L3MBTL3: variants seen among roughly 807,000 people sequenced by gnomAD.
L3MBTL3 encodes lethal(3)malignant brain tumor-like protein 3.
Under a neutral mutation model 102.3 loss-of-function variants are expected in L3MBTL3, and 27 were observed. That is an observed-to-expected ratio of 0.26 (90% CI 0.19 to 0.36). The LOEUF (loss-of-function observed/expected upper bound fraction) is 0.36, where lower values mean the gene tolerates loss of function less well. Among genes scored for constraint, L3MBTL3 ranks in the 10% least tolerant of loss-of-function variants. The pLI, the probability that L3MBTL3 is intolerant of heterozygous loss-of-function variation, is 1.00. For synonymous variants in L3MBTL3, 340 were observed against 320.9 expected (o/e 1.06, Z -0.64); for missense variants, 798 against 955.3 (o/e 0.84, Z 2.17).
At chr6:130,108,671 T>C (rs1051084928) in intron 19 of L3MBTL3, among the ~76,000 whole-genome samples, 4 of 151,828 alleles carry the variant, frequency 2.6e-5, no homozygotes, top group Admixed American at 2.6e-4. Context: ...GAGGATTTTA[T>C]TTTATTTGGT....
intron 2 of L3MBTL3, among the ~76,000 whole-genome samples, chr6:130,026,804 A>G (rs899396771): frequency 6.6e-6 from 1 of 152,100 alleles, no homozygotes; most frequent in Non-Finnish European, 1.5e-5. Flanking sequence ...TATGAAAAAT[A>G]TATATATAAA....
intron 9 of L3MBTL3, among the ~76,000 whole-genome samples, chr6:130,059,702 GCA>G (rs1781766059): frequency 6.6e-6 from 1 of 152,244 alleles, no homozygotes; most frequent in Non-Finnish European, 1.5e-5. Context: ...AGCTTTACCA[GCA>G]CAGTGTTGTC....
rs1350258492 is a variant in L3MBTL3 at position 130,140,162 on chromosome 6, C to G, written c.*409C>G. 1.3e-5 allele frequency: 2 copies of G among 158,410 alleles called. No individual in the cohort carries two copies. Among genetic ancestry groups the G allele is most frequent in the East Asian group, 1.9e-4 (1 of 5,324 alleles). The allele number at this position is 158,410 out of a possible 1,614,324, so 9.8% of individuals were successfully genotyped here. ...ACTTTCAGAAACCTTTTTATATAAT[C>G]AAATTTCAATTTAAACCAAATTAGT... On this transcript the variant is annotated 3_prime_UTR_variant, in exon 23 of 23. Transcript: ENST00000361794.
At chr6:130,120,571 T>C (rs1333484590) in intron 19 of L3MBTL3, among the ~76,000 whole-genome samples, 1 of 152,222 alleles carries the variant, frequency 6.6e-6, no homozygotes. Context: ...GTAAGTAAAA[T>C]TCCACATGAA....
chr6:130,020,236 G>A (rs1183139408), intron 1 of L3MBTL3, among the ~76,000 whole-genome samples: 7 of 151,610 alleles, frequency 4.6e-5, no homozygotes, highest in African/African-American at 7.2e-5. Context: ...GCGGCGGCGG[G>A]GCGGGGGGAA....
At chr6:130,018,921 G>C (rs1778735795) in intron 1 of L3MBTL3, among the ~76,000 whole-genome samples, 1 of 152,170 alleles carries the variant, frequency 6.6e-6, no homozygotes, top group Non-Finnish European at 1.5e-5. Flanking sequence ...GAAACGGCTG[G>C]AGGGGGAGTC....
intron 2 of L3MBTL3, among the ~76,000 whole-genome samples, chr6:130,031,282 A>C (rs1158729351): frequency 6.6e-6 from 1 of 152,224 alleles, no homozygotes; most frequent in Non-Finnish European, 1.5e-5. Context: ...TTGTAGTTGA[A>C]TCCAACTTGA....
At chr6:130,067,680 T>C (rs1269241337) in intron 11 of L3MBTL3, among the ~76,000 whole-genome samples, 2 of 152,202 alleles carry the variant, frequency 1.3e-5, no homozygotes, top group African/African-American at 2.4e-5. Context: ...TGGTAAATTA[T>C]TAGCTGGTTT....
intron 14 of L3MBTL3, among the ~76,000 whole-genome samples, chr6:130,082,437 G>A (rs1783424628): frequency 6.6e-6 from 1 of 152,080 alleles, no homozygotes; most frequent in Admixed American, 6.6e-5. Flanking sequence ...CTGTATCAGT[G>A]TAGACCCATA....
intron 7 of L3MBTL3, among the ~76,000 whole-genome samples, chr6:130,053,985 G>C (rs1781285828): frequency 6.6e-6 from 1 of 152,222 alleles, no homozygotes; most frequent in African/African-American, 2.4e-5. Flanking sequence ...GTCACCTAGT[G>C]ATAAGTGCTA....
chr6:130,120,819 T>A, intron 19 of L3MBTL3, 60 bp from the exon 20 acceptor site: 1 of 1,299,302 alleles, frequency 7.7e-7, no homozygotes, highest in Admixed American at 1.7e-5. Context: ...GAGATGTAGT[T>A]CTGAACCATT....
At chr6:130,045,718 G>A (rs1780686518) in intron 3 of L3MBTL3, among the ~76,000 whole-genome samples, 4 of 152,142 alleles carry the variant, frequency 2.6e-5, no homozygotes, top group Admixed American at 2.6e-4. Context: ...ATTTCAGCTG[G>A]AGGGATCAGG....
At chr6:130,111,631 C>T (rs1785352942) in intron 19 of L3MBTL3, among the ~76,000 whole-genome samples, 1 of 152,188 alleles carries the variant, frequency 6.6e-6, no homozygotes, top group Admixed American at 6.5e-5. Context: ...GAATGAATGT[C>T]CTTTTCCTGT....
chr6:130,111,284 A>T (rs1012583560), intron 19 of L3MBTL3, among the ~76,000 whole-genome samples: 1 of 152,226 alleles, frequency 6.6e-6, no homozygotes, highest in Admixed American at 6.5e-5. Context: ...TGTAAATTGC[A>T]TATCTCAGAG....
chr6:130,042,118 A>G (rs1780460820), intron 2 of L3MBTL3, among the ~76,000 whole-genome samples: 1 of 152,208 alleles, frequency 6.6e-6, no homozygotes, highest in South Asian at 2.1e-4. Context: ...CAATACCACA[A>G]CCAATGATGT....
intron 20 of L3MBTL3, among the ~76,000 whole-genome samples, chr6:130,123,014 ATCT>A (rs1786346677): frequency 6.6e-6 from 1 of 152,210 alleles, no homozygotes. Context: ...TGATAATAAA[ATCT>A]TCTAGGCTTT....
At chr6:130,043,541 A>T (rs1488611526) in intron 3 of L3MBTL3, among the ~76,000 whole-genome samples, 1 of 152,128 alleles carries the variant, frequency 6.6e-6, no homozygotes, top group Non-Finnish European at 1.5e-5. Flanking sequence ...TTTTGCTCTG[A>T]TCCTATCTCT....
intron 3 of L3MBTL3, among the ~76,000 whole-genome samples, chr6:130,047,206 TAATC>T (rs753748592): frequency 6.6e-6 from 1 of 152,184 alleles, no homozygotes; most frequent in Non-Finnish European, 1.5e-5. Flanking sequence ...TTTATGGGAT[TAATC>T]AACCCTCAAA....
At chr6:130,066,970 T>G (rs1373575567) in intron 11 of L3MBTL3, among the ~76,000 whole-genome samples, 1 of 152,156 alleles carries the variant, frequency 6.6e-6, no homozygotes, top group Admixed American at 6.5e-5. Context: ...AAAAATTGGC[T>G]TAGGTGGGGG....
Sources: gnomAD v4.1 joint callset for allele counts (sites outside exome capture counted in the v4.1 genomes callset) on GRCh38, gnomAD v4.1.1 for gene constraint, MANE v1.5 for transcripts, NCBI Gene and HGNC (gene_info 2026-07-23, HGNC 2026-07-21) for gene names.